Variants in RNF115 observed in about 807,000 individuals in gnomAD.
RNF115 encodes ring finger protein 115.
RNF115 carries 31 observed loss-of-function variants against 39.2 expected under a neutral mutation model. The ratio of observed to expected loss-of-function variants is 0.79; its 90% CI spans 0.59 to 1.07. The LOEUF (loss-of-function observed/expected upper bound fraction) is 1.07. RNF115 is among the 50% of genes least tolerant of loss of function. The probability of loss-of-function intolerance (pLI) is 0.00; values close to 1 mark genes in which losing one functional copy is unlikely to be tolerated. For missense variants in RNF115, 384 were observed against 381.7 expected (o/e 1.01, Z -0.05); for synonymous variants, 124 against 131.0 (o/e 0.95, Z 0.37).
intron 3 of RNF115, among the ~76,000 whole-genome samples, chr1:145,780,037 G>GGCCAACGT (rs1648054682): frequency 6.6e-6 from 1 of 152,006 alleles, no homozygotes; most frequent in Non-Finnish European, 1.5e-5. Context: ...AGACCAGCCT[G>GGCCAACGT]GCCAACGTGG....
intron 1 of RNF115, among the ~76,000 whole-genome samples, chr1:145,819,801 G>A: frequency 6.6e-6 from 1 of 152,210 alleles, no homozygotes; most frequent in East Asian, 1.9e-4. Context: ...ACTTTGGGGG[G>A]CCAAGGCAGG....
At chr1:145,758,190 A>T (rs1553713472) in intron 4 of RNF115, among the ~76,000 whole-genome samples, 1 of 152,138 alleles carries the variant, frequency 6.6e-6, no homozygotes, top group Admixed American at 6.5e-5. Flanking sequence ...TAGGATATAA[A>T]AAGATATTAT....
In RNF115 at chr1:145,739,580, T is replaced by A. The variant is rs1047825359; in HGVS notation, c.*7286A>T. 2.4e-5 allele frequency: 1 copy of A among 41,012 alleles called. No homozygotes were observed. Among genetic ancestry groups the A allele is most frequent in the Non-Finnish European group, 3.7e-5 (1 of 26,776 alleles). 2.5% of individuals were successfully genotyped at this position (41,012 alleles called of 1,614,324 possible). A position where few individuals can be genotyped will look rare whatever the true frequency, so the allele number is the denominator to read the frequency against. ...AGCTATTTGTCATTGGGCAAATGAA[T>A]TTTTTTTTTTTTTTTTTGAGACGGA... On this transcript the variant is annotated 3_prime_UTR_variant, in exon 9 of 9. Transcript: ENST00000582693.
At chr1:145,783,914 T>C (rs1275338377) in intron 3 of RNF115, among the ~76,000 whole-genome samples, 7 of 152,006 alleles carry the variant, frequency 4.6e-5, no homozygotes, top group African/African-American at 1.7e-4. Flanking sequence ...CAATATAAAA[T>C]GGTATTCAAG....
intron 1 of RNF115, among the ~76,000 whole-genome samples, chr1:145,793,756 C>G (rs1294516992): frequency 1.3e-5 from 2 of 152,148 alleles, no homozygotes; most frequent in Non-Finnish European, 2.9e-5. Flanking sequence ...AAACACATTT[C>G]CCACATCTAC....
chr1:145,742,629 A>G lies in RNF115; in HGVS notation c.*4237T>C. 1 of 152,358 alleles carries G rather than the reference A, an allele frequency of 6.6e-6. No individual in the cohort carries two copies. The highest frequency in any genetic ancestry group is 3.4e-3 in the Middle Eastern group (1 of 294). 9.4% of individuals were successfully genotyped at this position (152,358 alleles called of 1,614,324 possible). On this transcript the variant is annotated 3_prime_UTR_variant, in exon 9 of 9. Transcript: ENST00000582693. Reference sequence around the variant, plus strand: ...TGCTCACTTTACCTCAGTGCACACCATATCCCTTCTTCCTCCATTGTGAAA... The same window carrying G: ...TGCTCACTTTACCTCAGTGCACACCGTATCCCTTCTTCCTCCATTGTGAAA...
At chr1:145,784,743 A>G (rs1648302115) in intron 2 of RNF115, 147 bp from the exon 3 acceptor site, 6 of 629,470 alleles carry the variant, frequency 9.5e-6, no homozygotes, top group Non-Finnish European at 1.7e-5. Context: ...GAAATTATGA[A>G]TAACTGGCAT....
intron 3 of RNF115, among the ~76,000 whole-genome samples, 160 bp downstream of exon 3, chr1:145,784,379 A>G (rs782637910): frequency 6.6e-6 from 1 of 152,230 alleles, no homozygotes; most frequent in Non-Finnish European, 1.5e-5. Context: ...AGCCCCAGCT[A>G]CTGAAAACAC....
intron 4 of RNF115, among the ~76,000 whole-genome samples, chr1:145,763,384 CAA>C (rs1267506621): frequency 6.6e-6 from 1 of 152,002 alleles, no homozygotes; most frequent in Non-Finnish European, 1.5e-5. Flanking sequence ...AACAAAAAAA[CAA>C]AAGAGTAAAG....
intron 4 of RNF115, among the ~76,000 whole-genome samples, chr1:145,761,413 T>C (rs1172521562): frequency 6.6e-6 from 1 of 152,216 alleles, no homozygotes; most frequent in Admixed American, 6.5e-5. Context: ...CCCCGTGCTG[T>C]GTGCAGCCTA....
chr1:145,794,692 G>A (rs1571763974), intron 1 of RNF115, among the ~76,000 whole-genome samples: 1 of 151,070 alleles, frequency 6.6e-6, no homozygotes, highest in East Asian at 2.0e-4. Context: ...ATGAAGCGCG[G>A]ACCCTCCCGG....
chr1:145,775,982 A>G (rs1553716482), intron 3 of RNF115, among the ~76,000 whole-genome samples: 1 of 151,824 alleles, frequency 6.6e-6, no homozygotes, highest in African/African-American at 2.4e-5. Flanking sequence ...TGGGCAACAG[A>G]GCAAGACCCT....
intron 2 of RNF115, among the ~76,000 whole-genome samples, chr1:145,787,824 G>A (rs1456833581): frequency 6.6e-6 from 1 of 152,006 alleles, no homozygotes; most frequent in South Asian, 2.1e-4. Context: ...GGGAGGCAGA[G>A]GTTGCAGTGA....
intron 1 of RNF115, among the ~76,000 whole-genome samples, chr1:145,796,458 CCT>C (rs1553720069): frequency 6.6e-6 from 1 of 151,428 alleles, no homozygotes; most frequent in African/African-American, 2.4e-5. Flanking sequence ...ACAGGGTCTC[CCT>C]CTGTCACCCA....
chr1:145,773,041 T>C (rs1470387890), intron 3 of RNF115: 1 of 152,234 alleles, frequency 6.6e-6, no homozygotes, highest in African/African-American at 2.4e-5. Context: ...CCAAAATTTC[T>C]CTTTGCCTAC....
chr1:145,787,077 C>T (rs1553718179), intron 2 of RNF115: 1 of 1,255,370 alleles, frequency 8.0e-7, no homozygotes, highest in South Asian at 1.2e-5. Flanking sequence ...CCAACAGTAA[C>T]AGTAAAGGAA....
intron 5 of RNF115, among the ~76,000 whole-genome samples, chr1:145,752,206 G>C (rs587670296): frequency 2.2e-4 from 33 of 152,212 alleles, no homozygotes; most frequent in African/African-American, 8.0e-4. Context: ...TCATACATAA[G>C]TGTCACTCTG....
intron 3 of RNF115, among the ~76,000 whole-genome samples, chr1:145,778,819 T>C (rs782430125): frequency 7.9e-5 from 12 of 152,214 alleles, no homozygotes; most frequent in South Asian, 2.1e-4. Flanking sequence ...GTCTAATCTC[T>C]AGTGATTTCG....
chr1:145,801,509 G>A (rs148845436), intron 1 of RNF115, among the ~76,000 whole-genome samples: 713 of 152,172 alleles, frequency 4.7e-3, no homozygotes, highest in Non-Finnish European at 8.4e-3. Context: ...AGGTTGCAGT[G>A]AGTGAAAGAG....
Sources: allele counts gnomAD v4.1 joint callset (sites outside exome capture counted in the v4.1 genomes callset), GRCh38; gene constraint gnomAD v4.1.1; transcripts MANE v1.5; gene names NCBI Gene and HGNC (gene_info 2026-07-23, HGNC 2026-07-21).